Variants in ANK3 observed in about 807,000 individuals in gnomAD.
ANK3 encodes the protein ankyrin-3.
A neutral mutation model predicts 370.9 loss-of-function variants in ANK3; 57 were observed. That is an observed-to-expected ratio of 0.15 (90% CI 0.12 to 0.19). ANK3 has a LOEUF of 0.19. ANK3 is among the 10% of genes least tolerant of loss of function. The probability of loss-of-function intolerance (pLI) is 1.00; values close to 1 mark genes in which losing one functional copy is unlikely to be tolerated. For synonymous variants in ANK3, 1,929 were observed against 1,946.3 expected, an observed-to-expected ratio of 0.99 and a Z score of 0.23; for missense variants, 4,439 against 5,302.1, an observed-to-expected ratio of 0.84 and a Z score of 5.06.
chr10:60,084,551 C>G lies in ANK3; in HGVS notation c.4074+51G>C. 2.1e-6 allele frequency: 3 copies of G among 1,453,506 alleles called. No individual in the cohort carries two copies. The East Asian group carries it at 6.8e-5, about 33-fold the overall frequency. 90.0% of individuals were successfully genotyped at this position (1,453,506 alleles called of 1,614,324 possible). ...TGCTATTAAGACCACAAAATAAAAC[C>G]TCATATCTGGAGTACGTAATGAAAT... On this transcript the variant is annotated intron_variant, in intron 32 of 43. Coordinates refer to ENST00000280772, the MANE Select transcript of ANK3 (RefSeq NM_020987.5).
At chr10:60,586,910 C>G (rs1230248750) in intron 2 of ANK3, among the ~76,000 whole-genome samples, 1 of 152,190 alleles carries the variant, frequency 6.6e-6, no homozygotes, top group Middle Eastern at 3.2e-3. Context: ...GCTTCTGGGT[C>G]TGCAAATTAC....
At chr10:60,085,676 T>C (rs746062502) in intron 30 of ANK3, among the ~76,000 whole-genome samples, 3 of 146,152 alleles carry the variant, frequency 2.1e-5, no homozygotes, top group Non-Finnish European at 4.5e-5. Context: ...AGTGCAATGG[T>C]GCGATCTCGG....
At chr10:60,615,474 G>C (rs753681823) in intron 1 of ANK3, among the ~76,000 whole-genome samples, 5 of 151,838 alleles carry the variant, frequency 3.3e-5, no homozygotes, top group African/African-American at 7.2e-5. Context: ...AGCATCAATG[G>C]TTTAAAGAGA....
At chr10:60,264,238 G>A (rs2097847492) in intron 5 of ANK3, among the ~76,000 whole-genome samples, 1 of 152,056 alleles carries the variant, frequency 6.6e-6, no homozygotes, top group Admixed American at 6.6e-5. Flanking sequence ...ATAAGTTCAT[G>A]GGTTTTGGTT....
chr10:60,382,314 T>C (rs1391557891), intron 1 of ANK3, among the ~76,000 whole-genome samples: 10 of 152,142 alleles, frequency 6.6e-5, no homozygotes. Context: ...AGGTAAGCTA[T>C]ATCCAGCAGA....
At chr10:60,719,854 G>A (rs1468017431) in intron 1 of ANK3, among the ~76,000 whole-genome samples, 1 of 152,100 alleles carries the variant, frequency 6.6e-6, no homozygotes, top group Non-Finnish European at 1.5e-5. Context: ...TGATTTTGGT[G>A]CAGTAAGCAC....
intron 1 of ANK3, among the ~76,000 whole-genome samples, chr10:60,688,937 G>A (rs1223450343): frequency 6.8e-6 from 1 of 146,612 alleles, no homozygotes; most frequent in African/African-American, 2.5e-5. Context: ...GACAGAGTGA[G>A]ACTCCGTTTC....
intron 6 of ANK3, among the ~76,000 whole-genome samples, chr10:60,263,408 T>C (rs2097838271): frequency 6.6e-6 from 1 of 152,244 alleles, no homozygotes; most frequent in African/African-American, 2.4e-5. Context: ...GCTCTCTTGC[T>C]GCTGGCATGC....
intron 2 of ANK3, among the ~76,000 whole-genome samples, chr10:60,457,874 C>T (rs887963681): frequency 6.6e-6 from 1 of 151,858 alleles, no homozygotes; most frequent in Admixed American, 6.6e-5. Context: ...ATGCAGTGGG[C>T]GGTAGTGTAG....
At chr10:60,446,113 C>T (rs527704775) in intron 2 of ANK3, among the ~76,000 whole-genome samples, 10 of 152,166 alleles carry the variant, frequency 6.6e-5, no homozygotes, top group Admixed American at 1.3e-4. Flanking sequence ...GCGTTGATGC[C>T]GGGGTACTTT....
At position 60,076,068 on chromosome 10, in the gene ANK3, C is replaced by G. The variant is rs769939352; in HGVS notation, c.4813G>C (p.Val1605Leu). The change falls in exon 37 of 44, where the codon GTC becomes CTC. Residue 1605 changes from valine (V) to leucine (L), a missense_variant. Physicochemically the swap from Val to Leu is conservative, Grantham distance 32 (BLOSUM62 1). Coordinates refer to ENST00000280772, the MANE Select transcript of ANK3 (RefSeq NM_020987.5). Reference sequence around the variant, plus strand: ...CCTTTTAAGGGCGTAGCTTCCGTGACTGCTGGAGCTCTAGCCAGGGTACCA... The same window carrying G: ...CCTTTTAAGGGCGTAGCTTCCGTGAGTGCTGGAGCTCTAGCCAGGGTACCA... ...SSGTLARAPA[V>L]TEATPLKGLA... 6.2e-7 allele frequency: 1 copy of G among 1,614,172 alleles called. No homozygotes were observed. Among genetic ancestry groups the G allele is most frequent in the Non-Finnish European group, 8.5e-7 (1 of 1,180,012 alleles).
chr10:60,409,576 G>A lies in ANK3; in HGVS notation c.97-129937C>T, dbSNP rs552706145. ...AAGAGTTCCTTTTGCAAAAGGAGTC[G>A]GGCTCCTTCTGTTTCTGATGCAGAA... On this transcript the variant is annotated intron_variant, in intron 2 of 43. Coordinates refer to the ANK3 transcript ENST00000373827. 1.4e-4 allele frequency among the ~76,000 whole-genome samples: 22 copies of A among 152,098 alleles called. 1 individual carries two copies. The highest frequency in any genetic ancestry group is 3.9e-4 in the East Asian group (2 of 5,164).
chr10:60,649,526 A>G (rs1393263147), intron 1 of ANK3, among the ~76,000 whole-genome samples: 2 of 152,198 alleles, frequency 1.3e-5, no homozygotes, highest in East Asian at 3.9e-4. Flanking sequence ...TTCAAAAATG[A>G]TATCTTATGT....
chr10:60,245,894 C>T (rs879852568), intron 7 of ANK3, among the ~76,000 whole-genome samples: 5 of 152,130 alleles, frequency 3.3e-5, no homozygotes, highest in Admixed American at 3.3e-4. Context: ...ACTTAGATGA[C>T]CTATTATTAG....
At chr10:60,140,932 G>A (rs1216486760) in intron 23 of ANK3, 6 of 985,558 alleles carry the variant, frequency 6.1e-6, no homozygotes, top group Non-Finnish European at 7.2e-6. Flanking sequence ...CCAGGTAGAG[G>A]AAAAACATTA....
intron 42 of ANK3, among the ~76,000 whole-genome samples, chr10:60,050,988 T>G (rs1171236543): frequency 2.0e-5 from 3 of 152,044 alleles, no homozygotes; most frequent in Admixed American, 2.0e-4. Flanking sequence ...TCTCAGCCAC[T>G]GATTGCTTAT....
intron 2 of ANK3, among the ~76,000 whole-genome samples, chr10:60,529,456 A>G (rs1174003842): frequency 6.6e-6 from 1 of 152,170 alleles, no homozygotes; most frequent in African/African-American, 2.4e-5. Context: ...AGTTTAGTCA[A>G]TACAATTTAT....
At chr10:60,282,416 C>A (rs12780261) in intron 1 of ANK3, among the ~76,000 whole-genome samples, 23,580 of 152,068 alleles carry the variant, frequency 0.16, 1,930 homozygotes, top group African/African-American at 0.19. Context: ...TAAAACAAAT[C>A]TTCGAATTCA....
chr10:60,341,831 G>A (rs4245587), intron 1 of ANK3, among the ~76,000 whole-genome samples: 104,978 of 152,024 alleles, frequency 0.69, 37,747 homozygotes, highest in South Asian at 0.91. Context: ...AGTAGACCAC[G>A]ATAGGGTTAA....
Sources: gnomAD v4.1 joint callset for allele counts (sites outside exome capture counted in the v4.1 genomes callset) on GRCh38, gnomAD v4.1.1 for gene constraint, MANE v1.5 for transcripts, NCBI Gene and HGNC (gene_info 2026-07-23, HGNC 2026-07-21) for gene names.